Variants in CNIH3 observed in about 807,000 individuals in gnomAD.
CNIH3 encodes cornichon family AMPA receptor auxiliary protein 3.
CNIH3 carries 14 observed loss-of-function variants against 24.1 expected under a neutral mutation model. That is an observed-to-expected ratio of 0.58 (90% CI 0.38 to 0.91). The LOEUF (loss-of-function observed/expected upper bound fraction) is 0.91, where lower values mean the gene tolerates loss of function less well. Among genes scored for constraint, CNIH3 ranks in the 40% least tolerant of loss-of-function variants. CNIH3 has a pLI of 0.00. For missense variants in CNIH3, 178 were observed against 196.8 expected, an observed-to-expected ratio of 0.90 and a Z score of 0.57; for synonymous variants, 68 against 73.8, an observed-to-expected ratio of 0.92 and a Z score of 0.40.
Position 224,604,646 on chromosome 1 carries a change from G to A in CNIH3, n.402+38382G>A, listed in dbSNP as rs901344484. On this transcript the variant is annotated intron_variant and non_coding_transcript_variant, in intron 3 of 7. Coordinates refer to the CNIH3 transcript ENST00000478120. This position sits in a 1 kb window ranked among gnomAD's most constrained non-coding sequence, Gnocchi z 4.4. ...TAGAGGAGAGCAGAAGGCCAGAGGT[G>A]AAAGGAACAAGGACCAGTCCAGCTG... Among the ~76,000 whole-genome samples, 1 of 152,194 alleles carries A rather than the reference G, an allele frequency of 6.6e-6. No individual in the cohort carries two copies. The highest frequency in any genetic ancestry group is 6.5e-5 in the Admixed American group (1 of 15,286).
chr1:224,684,486 G>C lies in CNIH3; in HGVS notation c.151-310G>C, dbSNP rs140917365. Among the ~76,000 whole-genome samples, 1 of 152,320 alleles carries C rather than the reference G, an allele frequency of 6.6e-6. No individual in the cohort carries two copies. Among genetic ancestry groups the C allele is most frequent in the African/African-American group, 2.4e-5 (1 of 41,584 alleles). On this transcript the variant is annotated intron_variant, in intron 2 of 5. Coordinates refer to ENST00000272133, the MANE Select transcript of CNIH3 (RefSeq NM_152495.2). This position sits in a 1 kb window ranked among gnomAD's most constrained non-coding sequence, Gnocchi z 4.2. ...ATTCAGCAGTTTGACCACCTTATAC[G>C]TACATGGAGGCTGAGAGAGACTTTG...
At chr1:224,578,048 A>C (rs1681111697) in intron 4 of CNIH3, among the ~76,000 whole-genome samples, 1 of 152,086 alleles carries the variant, frequency 6.6e-6, no homozygotes, top group Admixed American at 6.6e-5. Context: ...AGGATAAAAA[A>C]CTGCATATTG....
At chr1:224,463,833 C>G (rs1393920477) in intron 1 of CNIH3, among the ~76,000 whole-genome samples, 1 of 110,382 alleles carries the variant, frequency 9.1e-6, no homozygotes, top group African/African-American at 3.6e-5. Context: ...CTCTGTCGCC[C>G]AGGCTGGAGT....
intron 4 of CNIH3, among the ~76,000 whole-genome samples, chr1:224,733,995 A>C (rs1052211507): frequency 6.6e-6 from 1 of 151,830 alleles, no homozygotes; most frequent in Non-Finnish European, 1.5e-5. Flanking sequence ...CCTCTTTCCC[A>C]CCTACGTTCT....
chr1:224,626,090 T>C (rs895655690), intron 1 of CNIH3, among the ~76,000 whole-genome samples: 12 of 152,224 alleles, frequency 7.9e-5, no homozygotes, highest in Admixed American at 5.2e-4. Context: ...TTGCTTCTTC[T>C]TCTAGGACCT....
At chr1:224,522,142 A>C (rs1240246346) in intron 2 of CNIH3, among the ~76,000 whole-genome samples, 2 of 152,196 alleles carry the variant, frequency 1.3e-5, no homozygotes, top group African/African-American at 4.8e-5. Context: ...TGGAGTGTGT[A>C]GGCTACTTCC....
At chr1:224,542,061 T>A (rs1471270985), downstream of CNIH3, among the ~76,000 whole-genome samples, 1 of 152,200 alleles carries the variant, frequency 6.6e-6, no homozygotes, top group Non-Finnish European at 1.5e-5. Context: ...TAGAATGGCT[T>A]CACACTTCCC....
At position 224,440,977 on chromosome 1, in the gene CNIH3, C is replaced by T. The variant is rs1013769665; in HGVS notation, n.203+6115C>T. On this transcript the variant is annotated intron_variant and non_coding_transcript_variant, in intron 1 of 5. Coordinates refer to the CNIH3 transcript ENST00000471578. ...GACTACAGGCGTCCGCCACCATGCCCGGCTAATTTTTTGTATTTTTAGTAG... is the reference window on the plus strand; with the variant it reads ...GACTACAGGCGTCCGCCACCATGCCTGGCTAATTTTTTGTATTTTTAGTAG... 5.9e-5 allele frequency among the ~76,000 whole-genome samples: 9 copies of T among 152,172 alleles called. No homozygotes were observed. In the East Asian group the frequency reaches 9.7e-4, roughly 16 times the overall value.
intron 3 of CNIH3, among the ~76,000 whole-genome samples, chr1:224,602,876 T>C (rs1343479216): frequency 6.6e-6 from 1 of 152,210 alleles, no homozygotes; most frequent in African/African-American, 2.4e-5. Context: ...CTTCCTTGGG[T>C]ACCATCTTGG....
At chr1:224,675,398 A>G (rs1015472864) in intron 1 of CNIH3, among the ~76,000 whole-genome samples, 1 of 152,230 alleles carries the variant, frequency 6.6e-6, no homozygotes, top group Non-Finnish European at 1.5e-5. Flanking sequence ...TGATCTTAGA[A>G]GTTCTTAGAT....
intron 3 of CNIH3, chr1:224,565,378 T>A (rs1430570997): frequency 6.6e-6 from 1 of 152,248 alleles, no homozygotes; most frequent in Non-Finnish European, 1.5e-5. Context: ...ATGAGCTGTA[T>A]GAGTCAGGAG....
chr1:224,661,294 T>C, intron 1 of CNIH3: 1 of 296,146 alleles, frequency 3.4e-6, no homozygotes, highest in Non-Finnish European at 6.9e-6. Flanking sequence ...AGTAATTTTT[T>C]TGCCATTAAC....
chr1:224,596,728 A>G (rs1681995762), intron 3 of CNIH3, among the ~76,000 whole-genome samples: 1 of 152,196 alleles, frequency 6.6e-6, no homozygotes. Flanking sequence ...CAAGAAGAAT[A>G]TATTTTATTA....
intron 3 of CNIH3, among the ~76,000 whole-genome samples, chr1:224,596,159 T>C (rs1368871900): frequency 1.3e-5 from 2 of 152,234 alleles, no homozygotes; most frequent in African/African-American, 4.8e-5. Context: ...GAAAAGTCAA[T>C]GCCTGGCTTC....
chr1:224,518,040 G>T (rs1226217716), intron 1 of CNIH3, among the ~76,000 whole-genome samples: 1 of 152,166 alleles, frequency 6.6e-6, no homozygotes, highest in Non-Finnish European at 1.5e-5. Flanking sequence ...ACTGGAATTT[G>T]TAGACTGGAT....
At chr1:224,623,476 C>T (rs1331328327) in intron 1 of CNIH3, among the ~76,000 whole-genome samples, 1 of 152,126 alleles carries the variant, frequency 6.6e-6, no homozygotes. Context: ...CTCAGTATTG[C>T]CTTCTAACTC....
intron 3 of CNIH3, among the ~76,000 whole-genome samples, chr1:224,555,325 T>C (rs2124973521): frequency 6.6e-6 from 1 of 152,302 alleles, no homozygotes; most frequent in South Asian, 2.1e-4. Flanking sequence ...ATCACCCACA[T>C]CTCAGACATT....
intron 4 of CNIH3, among the ~76,000 whole-genome samples, chr1:224,574,165 A>G (rs1024940425): frequency 1.3e-5 from 2 of 152,138 alleles, no homozygotes; most frequent in Non-Finnish European, 2.9e-5. Flanking sequence ...CTCTCTACCT[A>G]TCCATAGTTG....
At chr1:224,603,835 C>G (rs1165328380) in intron 3 of CNIH3, among the ~76,000 whole-genome samples, 1 of 152,152 alleles carries the variant, frequency 6.6e-6, no homozygotes, top group East Asian at 1.9e-4. Flanking sequence ...GTACTCTGTA[C>G]AATCAGAAGA....
Sources: allele counts gnomAD v4.1 joint callset (sites outside exome capture counted in the v4.1 genomes callset), GRCh38; gene constraint gnomAD v4.1.1; non-coding constraint Gnocchi (gnomAD v3.1); transcripts MANE v1.5; gene names NCBI Gene and HGNC (gene_info 2026-07-23, HGNC 2026-07-21).